GLCCI1: variants seen among roughly 807,000 people sequenced by gnomAD.
GLCCI1 encodes glucocorticoid-induced transcript 1 protein.
Under a neutral mutation model 52.2 loss-of-function variants are expected in GLCCI1, and 24 were observed. The ratio of observed to expected loss-of-function variants is 0.46; its 90% CI spans 0.33 to 0.65. GLCCI1 has a LOEUF of 0.65. Among genes scored for constraint, GLCCI1 ranks in the 30% least tolerant of loss-of-function variants. The probability of loss-of-function intolerance (pLI) is 0.02; values close to 1 mark genes in which losing one functional copy is unlikely to be tolerated. For synonymous variants in GLCCI1, 310 were observed against 276.5 expected, an observed-to-expected ratio of 1.12 and a Z score of -1.20; for missense variants, 704 against 701.5, an observed-to-expected ratio of 1.00 and a Z score of -0.04.
intron 5 of GLCCI1, chr7:8,070,364 ACT>A (rs1370199432): frequency 3.3e-5 from 5 of 152,280 alleles, no homozygotes; most frequent in African/African-American, 7.2e-5. Flanking sequence ...ACATTAATAA[ACT>A]CTATTGAGTA....
chr7:8,009,035 T>C (rs1040547401), intron 2 of GLCCI1, among the ~76,000 whole-genome samples: 2 of 152,218 alleles, frequency 1.3e-5, no homozygotes, highest in African/African-American at 4.8e-5. Flanking sequence ...ATACCCGATT[T>C]GCACATTCAC....
intron 2 of GLCCI1, among the ~76,000 whole-genome samples, chr7:8,007,101 G>T (rs922129523): frequency 7.9e-5 from 12 of 152,278 alleles, no homozygotes; most frequent in African/African-American, 2.6e-4. Context: ...CTGCTAGAAG[G>T]CCAGAGGAAT....
chr7:8,014,790 T>G (rs554849470), intron 2 of GLCCI1, among the ~76,000 whole-genome samples: 1 of 152,348 alleles, frequency 6.6e-6, no homozygotes, highest in Non-Finnish European at 1.5e-5. Context: ...TCAAAACTTG[T>G]ATTCTCTGAG....
At chr7:7,972,687 A>G (rs931278357) in intron 1 of GLCCI1, among the ~76,000 whole-genome samples, 2 of 152,212 alleles carry the variant, frequency 1.3e-5, no homozygotes, top group Non-Finnish European at 2.9e-5. Context: ...GTAATAGAGA[A>G]TTGATATTCA....
chr7:8,079,681 GGC>G (rs1264612458), intron 6 of GLCCI1, among the ~76,000 whole-genome samples: 1 of 151,302 alleles, frequency 6.6e-6, no homozygotes, highest in East Asian at 1.9e-4. Flanking sequence ...GTAACTTTTT[GGC>G]TTAATTTGTA....
intron 7 of GLCCI1, among the ~76,000 whole-genome samples, chr7:8,085,887 C>T (rs1783096022): frequency 1.3e-5 from 2 of 152,212 alleles, no homozygotes; most frequent in African/African-American, 4.8e-5. Context: ...TTTGCATAAT[C>T]TTCAATTATA....
chr7:8,049,773 C>T (rs1170121760), intron 3 of GLCCI1, among the ~76,000 whole-genome samples: 5 of 152,170 alleles, frequency 3.3e-5, no homozygotes, highest in Non-Finnish European at 1.5e-5. Context: ...TGAACATTCA[C>T]ACAGTATTCA....
chr7:7,998,143 C>T (rs1780974479), intron 1 of GLCCI1, among the ~76,000 whole-genome samples: 1 of 149,194 alleles, frequency 6.7e-6, no homozygotes, highest in South Asian at 2.1e-4. Flanking sequence ...TTGTTTTTTT[C>T]AGACTTACAT....
chr7:7,976,535 TAAAAG>T (rs1297444397), intron 1 of GLCCI1, among the ~76,000 whole-genome samples: 2 of 69,350 alleles, frequency 2.9e-5, no homozygotes, highest in African/African-American at 1.1e-4. Flanking sequence ...AAAAAGGAAA[TAAAAG>T]AAAGGAAAGG....
At chr7:7,995,534 A>T (rs1255381087) in intron 1 of GLCCI1, among the ~76,000 whole-genome samples, 1 of 152,204 alleles carries the variant, frequency 6.6e-6, no homozygotes, top group East Asian at 1.9e-4. Context: ...GGATTAAGAA[A>T]ATGTGGCACA....
intron 2 of GLCCI1, among the ~76,000 whole-genome samples, chr7:8,008,856 T>C (rs1781206128): frequency 6.6e-6 from 1 of 152,104 alleles, no homozygotes; most frequent in African/African-American, 2.4e-5. Context: ...AAAATGTTAT[T>C]TAGAGAAGCT....
At chr7:8,037,992 AAGTC>A (rs1402762843) in intron 3 of GLCCI1, among the ~76,000 whole-genome samples, 1 of 152,212 alleles carries the variant, frequency 6.6e-6, no homozygotes, top group African/African-American at 2.4e-5. Context: ...TCAAGACAGA[AAGTC>A]AGCAAAGAAA....
chr7:8,048,181 T>C (rs1158698579), intron 3 of GLCCI1, among the ~76,000 whole-genome samples: 3 of 152,346 alleles, frequency 2.0e-5, no homozygotes, highest in East Asian at 1.9e-4. Flanking sequence ...TACATTTTCA[T>C]GGGTCTTTGG....
chr7:8,051,851 T>C (rs1782265744), intron 3 of GLCCI1, among the ~76,000 whole-genome samples: 1 of 152,268 alleles, frequency 6.6e-6, no homozygotes, highest in Non-Finnish European at 1.5e-5. Flanking sequence ...TCTTTACATA[T>C]TGTGGATATG....
At chr7:8,072,312 G>A (rs1782780276) in intron 6 of GLCCI1, among the ~76,000 whole-genome samples, 1 of 152,044 alleles carries the variant, frequency 6.6e-6, no homozygotes, top group South Asian at 2.1e-4. Flanking sequence ...AAGCTACTTT[G>A]GACTTTGTCC....
chr7:8,072,952 A>G (rs1174444835), intron 6 of GLCCI1, among the ~76,000 whole-genome samples: 3 of 152,170 alleles, frequency 2.0e-5, no homozygotes, highest in East Asian at 3.8e-4. Flanking sequence ...CCCAGTGAAT[A>G]GTGGTTTCTG....
chr7:8,074,720 T>C (rs1276362166), intron 6 of GLCCI1, among the ~76,000 whole-genome samples: 1 of 152,188 alleles, frequency 6.6e-6, no homozygotes, highest in Non-Finnish European at 1.5e-5. Flanking sequence ...ATAATGTATG[T>C]TTTCTACAAT....
chr7:8,006,703 A>G (rs561733069), intron 2 of GLCCI1, among the ~76,000 whole-genome samples: 1 of 152,204 alleles, frequency 6.6e-6, no homozygotes, highest in African/African-American at 2.4e-5. Flanking sequence ...CTTCATATGG[A>G]CCTGGAAGAT....
At chr7:7,979,752 G>A (rs1051591852) in intron 1 of GLCCI1, among the ~76,000 whole-genome samples, 3 of 152,174 alleles carry the variant, frequency 2.0e-5, no homozygotes, top group African/African-American at 7.2e-5. Context: ...GTAATCTTGG[G>A]CAGTGATGCC....
Sources: allele counts gnomAD v4.1 joint callset (sites outside exome capture counted in the v4.1 genomes callset), GRCh38; gene constraint gnomAD v4.1.1; transcripts MANE v1.5; gene names NCBI Gene and HGNC (gene_info 2026-07-23, HGNC 2026-07-21).